Variants in MAP3K5 observed in about 807,000 individuals in gnomAD.
MAP3K5 encodes the protein mitogen-activated protein kinase kinase kinase 5, also known as ASK-1.
MAP3K5 carries 56 observed loss-of-function variants against 158.7 expected under a neutral mutation model. That is an observed-to-expected ratio of 0.35 (90% CI 0.28 to 0.44). The LOEUF is 0.44. MAP3K5 is among the 20% of genes least tolerant of loss of function. The pLI, the probability that MAP3K5 is intolerant of heterozygous loss-of-function variation, is 1.00. For missense variants in MAP3K5, 1,294 were observed against 1,674.8 expected, an observed-to-expected ratio of 0.77 and a Z score of 3.97; for synonymous variants, 579 against 601.7, an observed-to-expected ratio of 0.96 and a Z score of 0.55.
intron 7 of MAP3K5, among the ~76,000 whole-genome samples, chr6:136,684,035 T>G (rs2029869090): frequency 6.6e-6 from 1 of 151,954 alleles, no homozygotes; most frequent in South Asian, 2.1e-4. Flanking sequence ...TATTTGAGAC[T>G]AGCCTGGGCC....
intron 8 of MAP3K5, among the ~76,000 whole-genome samples, chr6:136,662,101 C>T (rs1032410696): frequency 6.6e-6 from 1 of 152,164 alleles, no homozygotes; most frequent in Non-Finnish European, 1.5e-5. Context: ...TGTGTATTTG[C>T]TCAATTATTT....
chr6:136,665,237 C>T (rs1779176385), intron 8 of MAP3K5, among the ~76,000 whole-genome samples: 1 of 152,106 alleles, frequency 6.6e-6, no homozygotes, highest in African/African-American at 2.4e-5. Context: ...CAACATCACT[C>T]TCATTATCAG....
chr6:136,651,920 G>C (rs1437550974), intron 10 of MAP3K5, among the ~76,000 whole-genome samples: 1 of 152,014 alleles, frequency 6.6e-6, no homozygotes, highest in Non-Finnish European at 1.5e-5. Flanking sequence ...ATGCTTAAAG[G>C]CATCTTCCTG....
upstream of MAP3K5, chr6:136,792,644 C>T (rs897523451): frequency 6.5e-6 from 1 of 152,972 alleles, no homozygotes; most frequent in Non-Finnish European, 1.5e-5. This position sits in a 1 kb window ranked among gnomAD's most constrained non-coding sequence, Gnocchi z 5.7. Context: ...CTGGCGCGCA[C>T]CTTACGAGCG....
At chr6:136,736,289 T>A (rs1782458016) in intron 1 of MAP3K5, among the ~76,000 whole-genome samples, 1 of 152,180 alleles carries the variant, frequency 6.6e-6, no homozygotes, top group South Asian at 2.1e-4. Flanking sequence ...GCCATACCCT[T>A]TCTTTCTACT....
intron 25 of MAP3K5, among the ~76,000 whole-genome samples, chr6:136,578,928 T>C (rs1229228766): frequency 2.0e-5 from 3 of 151,820 alleles, no homozygotes; most frequent in Non-Finnish European, 4.4e-5. Context: ...CACAGCACTT[T>C]GGGAGGCCGA....
chr6:136,613,384 A>G lies in MAP3K5; in HGVS notation c.2279-128T>C. 1.5e-6 allele frequency: 1 copy of G among 683,908 alleles called. No homozygotes were observed. The highest frequency in any genetic ancestry group is 2.2e-6 in the Non-Finnish European group (1 of 446,706). 42.4% of individuals were successfully genotyped at this position (683,908 alleles called of 1,614,324 possible). ...CACAGTGGCCCAGGAGCTATACTGG[A>G]TATCGGGCTCAAACATGAATTTGCA... On this transcript the variant is annotated intron_variant, in intron 16 of 29. Transcript: ENST00000359015. The surrounding 1 kb of genome is among the most constrained non-coding windows in gnomAD (Gnocchi z 4.0).
intron 14 of MAP3K5, among the ~76,000 whole-genome samples, chr6:136,635,502 T>A (rs7775356): frequency 0.65 from 98,036 of 151,880 alleles, 31,888 homozygotes; most frequent in South Asian, 0.71. Flanking sequence ...TCTTTTTACA[T>A]CTTTAATGAA....
chr6:136,733,311 A>G (rs1478677197), intron 1 of MAP3K5, among the ~76,000 whole-genome samples: 2 of 152,302 alleles, frequency 1.3e-5, no homozygotes, highest in East Asian at 1.9e-4. Flanking sequence ...AGCACACAGC[A>G]TTCGATGATG....
chr6:136,569,522 C>A (rs1774271740), intron 25 of MAP3K5, among the ~76,000 whole-genome samples: 1 of 152,220 alleles, frequency 6.6e-6, no homozygotes, highest in Non-Finnish European at 1.5e-5. Context: ...AATTGCCAAT[C>A]TTTGAATCTA....
intron 28 of MAP3K5, among the ~76,000 whole-genome samples, chr6:136,559,582 G>C (rs1466233941): frequency 6.6e-6 from 1 of 152,132 alleles, no homozygotes; most frequent in Non-Finnish European, 1.5e-5. Context: ...TCCTGGAAAG[G>C]TACTGCCTAT....
chr6:136,775,722 T>C (rs1784379291), intron 1 of MAP3K5, among the ~76,000 whole-genome samples: 1 of 152,236 alleles, frequency 6.6e-6, no homozygotes, highest in South Asian at 2.1e-4. Context: ...GCCTATTAAA[T>C]AGTTGTGGCC....
intron 1 of MAP3K5, among the ~76,000 whole-genome samples, chr6:136,737,044 T>C (rs893158098): frequency 1.4e-5 from 2 of 147,344 alleles, no homozygotes; most frequent in East Asian, 2.0e-4. Context: ...TGTGTATATA[T>C]ATATATATAT....
At chr6:136,783,731 AG>A (rs1784719100) in intron 1 of MAP3K5, among the ~76,000 whole-genome samples, 1 of 152,212 alleles carries the variant, frequency 6.6e-6, no homozygotes. Flanking sequence ...ATCATTGCAC[AG>A]CACACTGTCA....
Position 136,566,494 on chromosome 6 carries a change from G to A in MAP3K5, c.3761+1137C>T, listed in dbSNP as rs566591564. On this transcript the variant is annotated intron_variant, in intron 26 of 29. Transcript: ENST00000359015. ...AACATGGACACCTTCCATAACGATG[G>A]GGTGTTATCCTTGGACTCTTGCTTG... Among the ~76,000 whole-genome samples, 11 of 152,284 alleles carry A rather than the reference G, an allele frequency of 7.2e-5. No homozygotes were observed. The South Asian group carries it at 2.3e-3, about 32-fold the overall frequency.
chr6:136,684,587 T>A (rs2114611063), intron 7 of MAP3K5, among the ~76,000 whole-genome samples: 1 of 152,240 alleles, frequency 6.6e-6, no homozygotes, highest in East Asian at 1.9e-4. Flanking sequence ...TTCAGAAACT[T>A]GATGGCTGTT....
At chr6:136,700,634 T>C (rs1048167470) in intron 3 of MAP3K5, among the ~76,000 whole-genome samples, 1 of 152,148 alleles carries the variant, frequency 6.6e-6, no homozygotes, top group Admixed American at 6.5e-5. Context: ...TGGGGTGAAA[T>C]AGTCACTTTT....
chr6:136,640,611 G>A (rs917728841), intron 12 of MAP3K5, among the ~76,000 whole-genome samples: 4 of 152,154 alleles, frequency 2.6e-5, no homozygotes, highest in Admixed American at 6.5e-5. Flanking sequence ...TTCTCACACT[G>A]TATTGTCATG....
chr6:136,595,506 A>G lies in MAP3K5; in HGVS notation c.2879-2892T>C, dbSNP rs190294736. Among the ~76,000 whole-genome samples the G allele has an allele frequency of 2.4e-3, 364 of 152,298 alleles. 3 individuals are homozygous for G. The highest frequency in any genetic ancestry group is 8.3e-3 in the African/African-American group (347 of 41,564). On this transcript the variant is annotated intron_variant, in intron 21 of 29. Coordinates refer to ENST00000359015, the MANE Select transcript of MAP3K5 (RefSeq NM_005923.4). ...AACATACAGTTGTGGATCATCTACT[A>G]TATGTCAGGTAGCCAGCAGGAGTTG... is the stretch of plus-strand genomic sequence containing the variant.
Sources: allele counts gnomAD v4.1 joint callset (sites outside exome capture counted in the v4.1 genomes callset), GRCh38; gene constraint gnomAD v4.1.1; non-coding constraint Gnocchi (gnomAD v3.1); transcripts MANE v1.5; gene names NCBI Gene and HGNC (gene_info 2026-07-23, HGNC 2026-07-21).